The following HLA-DRB5 variants were observed in gnomAD, a reference collection of about 807,000 sequenced individuals.
HLA-DRB5 encodes major histocompatibility complex, class II, DR beta 5, also known as DR beta-5.
HLA-DRB5 carries 11 observed loss-of-function variants against 22.4 expected under a neutral mutation model. That is an observed-to-expected ratio of 0.49 (90% confidence interval 0.31 to 0.81). HLA-DRB5 has a LOEUF of 0.81. Among genes scored for constraint, HLA-DRB5 ranks in the 40% least tolerant of loss-of-function variants. The pLI is 0.05. For synonymous variants in HLA-DRB5, 57 were observed against 106.0 expected (o/e 0.54, Z 2.84); for missense variants, 106 against 274.4 (o/e 0.39, Z 4.34).
chr6:32,528,960 C>A (rs111627320), intron 1 of HLA-DRB5, among the ~76,000 whole-genome samples: 1 of 127,780 alleles, frequency 7.8e-6, no homozygotes, highest in Admixed American at 8.1e-5. Flanking sequence ...AAAAAATTAT[C>A]TCTTTCAATG....
intron 1 of HLA-DRB5, among the ~76,000 whole-genome samples, chr6:32,529,215 T>A (rs34267617): frequency 0.19 from 19,517 of 104,282 alleles, 227 homozygotes; most frequent in Admixed American, 0.22. Context: ...ACATTCTCTC[T>A]GTAACCCCAC....
intron 1 of HLA-DRB5, among the ~76,000 whole-genome samples, 165 bp downstream of exon 1, chr6:32,529,960 C>G (rs72851009): frequency 0.22 from 24,995 of 113,224 alleles, 2,460 homozygotes; most frequent in Middle Eastern, 0.32. Flanking sequence ...GGCAAGTAGT[C>G]AAGCTCCTTT....
At chr6:32,528,068 C>T (rs1359184323) in intron 1 of HLA-DRB5, among the ~76,000 whole-genome samples, 1 of 43,814 alleles carries the variant, frequency 2.3e-5, no homozygotes, top group Non-Finnish European at 4.7e-5. Flanking sequence ...CACATAATTT[C>T]CCACACCAGG....
chr6:32,524,359 A>T (rs138321893), intron 1 of HLA-DRB5, among the ~76,000 whole-genome samples: 1,331 of 79,344 alleles, frequency 0.017, no homozygotes, highest in Admixed American at 0.028. Context: ...TCCACTAATT[A>T]TCTGTAGTAG....
chr6:32,527,941 T>G (rs143369418), intron 1 of HLA-DRB5, among the ~76,000 whole-genome samples: 4,144 of 38,906 alleles, frequency 0.11, 1,926 homozygotes, highest in Middle Eastern at 0.27. Context: ...TTTCTTACCA[T>G]GGACATCAGA....
At chr6:32,523,061 A>G (rs112402647) in intron 1 of HLA-DRB5, among the ~76,000 whole-genome samples, 9,628 of 108,370 alleles carry the variant, frequency 0.089, 62 homozygotes, top group Admixed American at 0.14. Flanking sequence ...GAAGCCAGGT[A>G]TTGAAAAGCG....
At chr6:32,525,999 G>T (rs183591675) in intron 1 of HLA-DRB5, among the ~76,000 whole-genome samples, 3 of 33,746 alleles carry the variant, frequency 8.9e-5, no homozygotes, top group East Asian at 7.7e-4. Context: ...GAGCATCTCT[G>T]GTTCACAGGT....
chr6:32,518,477 C>T, intron 4 of HLA-DRB5, 79 bp downstream of exon 4: 1 of 447,872 alleles, frequency 2.2e-6, no homozygotes, highest in Non-Finnish European at 3.7e-6. Context: ...CACTCATATA[C>T]TGAGAACTAA....
At chr6:32,527,098 T>TCCATGAAGCCA (rs1554268709) in intron 1 of HLA-DRB5, among the ~76,000 whole-genome samples, 45 of 30,836 alleles carry the variant, frequency 1.5e-3, no homozygotes, top group East Asian at 2.4e-3. Flanking sequence ...ACTAGTGAAC[T>TCCATGAAGCCA]CAAGCCTATT....
chr6:32,519,217 A>ACC (rs1554264265), intron 3 of HLA-DRB5, among the ~76,000 whole-genome samples, 153 bp downstream of exon 3: 8,454 of 58,356 alleles, frequency 0.14, 29 homozygotes, highest in Middle Eastern at 0.23. Flanking sequence ...TCTAGAAACT[A>ACC]TACAGGGCTA....
chr6:32,519,020 C>A, intron 3 of HLA-DRB5, among the ~76,000 whole-genome samples: 1 of 95,914 alleles, frequency 1.0e-5, no homozygotes, highest in African/African-American at 3.4e-5. Flanking sequence ...TACACTTCTC[C>A]TCTTCCCAGA....
Position 32,522,186 on chromosome 6 carries a change from C to T in HLA-DRB5, c.101-12G>A. ...CTGCAAGAAACGTGCTGTGGGGACA[C>T]GAAGGATCCGGTCACAGGGGCGGCC... On this transcript the variant is annotated splice_polypyrimidine_tract_variant and intron_variant, in intron 1 of 5. Transcript: ENST00000374975. The T allele has an allele frequency of 1.3e-6, 1 of 756,772 alleles. No homozygotes were observed. The highest frequency in any genetic ancestry group is 1.9e-6 in the Non-Finnish European group (1 of 515,220). The allele number at this position is 756,772 out of a possible 1,614,324, so 46.9% of individuals were successfully genotyped here. A position where few individuals can be genotyped will look rare whatever the true frequency, so the allele number is the denominator to read the frequency against.
At chr6:32,523,786 T>G (rs796285741) in intron 1 of HLA-DRB5, among the ~76,000 whole-genome samples, 5,141 of 74,160 alleles carry the variant, frequency 0.069, 45 homozygotes, top group East Asian at 0.092. Flanking sequence ...AAGAACTGAA[T>G]TGGGTGCTGA....
chr6:32,525,880 T>C (rs373470399), intron 1 of HLA-DRB5, among the ~76,000 whole-genome samples: 1 of 65,016 alleles, frequency 1.5e-5, no homozygotes, highest in Non-Finnish European at 3.0e-5. Flanking sequence ...TGGTATATTC[T>C]AAGTCACTAA....
At chr6:32,522,885 ACT>A (rs201186886) in intron 1 of HLA-DRB5, among the ~76,000 whole-genome samples, 3,799 of 32,622 alleles carry the variant, frequency 0.12, 1,666 homozygotes, top group Middle Eastern at 0.31. Flanking sequence ...CGGAGTGGAG[ACT>A]CTGTGTCTGT....
rs1378462382 is a variant in HLA-DRB5 at position 32,522,011 on chromosome 6, C to G, written c.264G>C (p.Glu88Asp). The G allele has an allele frequency of 6.5e-7, 1 of 1,529,398 alleles. No homozygotes were observed. Among genetic ancestry groups the G allele is most frequent in the South Asian group, 1.1e-5 (1 of 87,608 alleles). 94.7% of individuals were successfully genotyped at this position (1,529,398 alleles called of 1,614,324 possible). A position where few individuals can be genotyped will look rare whatever the true frequency, so the allele number is the denominator to read the frequency against. Residue 88 changes from glutamate (E) to aspartate (D), a missense_variant, in exon 2 of 6, where the codon GAG becomes GAC. Coordinates refer to ENST00000374975, the MANE Select transcript of HLA-DRB5 (RefSeq NM_002125.4). ...AVTELGRPDAEYWNSQKDFLE... is the reference protein window; with the variant it reads ...AVTELGRPDADYWNSQKDFLE... ...GGAAGTCCTTCTGGCTGTTCCAGTA[C>G]TCAGCGTCAGGCCGCCCCAGCTCCG...
intron 1 of HLA-DRB5, among the ~76,000 whole-genome samples, chr6:32,522,415 C>T (rs139616859): frequency 0.059 from 1,925 of 32,362 alleles, 777 homozygotes; most frequent in East Asian, 0.26. Context: ...ACCCCCTCCC[C>T]GCCTCCAGCC....
intron 1 of HLA-DRB5, among the ~76,000 whole-genome samples, chr6:32,525,715 T>G (rs1769529715): frequency 1.5e-5 from 2 of 129,456 alleles, no homozygotes; most frequent in Non-Finnish European, 3.3e-5. Flanking sequence ...GTACATGTTT[T>G]TATATACCAC....
chr6:32,529,553 A>C lies in HLA-DRB5; in HGVS notation c.100+572T>G. Among the ~76,000 whole-genome samples, 2 of 29,650 alleles carry C rather than the reference A, an allele frequency of 6.7e-5. 1 individual carries two copies. Among genetic ancestry groups the C allele is most frequent in the Non-Finnish European group, 1.4e-4 (2 of 13,814 alleles). The allele number at this position is 29,650 out of a possible 152,430, so 19.5% of individuals were successfully genotyped here. The stretch of plus-strand genomic sequence containing the variant: ...AGGATTTTTCCCCATAAGAAAAAGC[A>C]CTAAGCATAACTTCTGTCAGAGACC... On this transcript the variant is annotated intron_variant, in intron 1 of 5. Transcript: ENST00000374975.
Sources: gnomAD v4.1 joint callset for allele counts (sites outside exome capture counted in the v4.1 genomes callset) on GRCh38, gnomAD v4.1.1 for gene constraint, MANE v1.5 for transcripts, NCBI Gene and HGNC (gene_info 2026-07-23, HGNC 2026-07-21) for gene names.